Variants in PSMG2 observed in about 807,000 individuals in gnomAD.
PSMG2 encodes CD40 ligand-activated specific transcript 3.
A neutral mutation model predicts 31.5 loss-of-function variants in PSMG2; 21 were observed. That is an observed-to-expected ratio of 0.67 (90% CI 0.47 to 0.96). The LOEUF (loss-of-function observed/expected upper bound fraction) is 0.96. Ranked by LOEUF, PSMG2 falls within the 40% of genes least tolerant of loss-of-function variation. The pLI is 0.00. For synonymous variants in PSMG2, 120 were observed against 110.4 expected, an observed-to-expected ratio of 1.09 and a Z score of -0.54; for missense variants, 318 against 321.2, an observed-to-expected ratio of 0.99 and a Z score of 0.08.
intron 5 of PSMG2, 138 bp from the exon 6 acceptor site, chr18:12,724,361 G>GA: frequency 1.2e-6 from 1 of 836,394 alleles, no homozygotes; most frequent in Non-Finnish European, 1.7e-6. Context: ...GGCGAAGGGA[G>GA]ATGATAAGTG....
At chr18:12,717,903 T>C (rs529046219) in intron 3 of PSMG2, among the ~76,000 whole-genome samples, 2 of 152,332 alleles carry the variant, frequency 1.3e-5, no homozygotes, top group East Asian at 1.9e-4. Context: ...TAGGTAACAA[T>C]AGATTACTCA....
Position 12,703,807 on chromosome 18 carries a change from G to A in PSMG2, c.57+643G>A, listed in dbSNP as rs114365080. Among the ~76,000 whole-genome samples the A allele has an allele frequency of 2.5e-3, 384 of 152,292 alleles. 1 individual carries two copies. Among genetic ancestry groups the A allele is most frequent in the African/African-American group, 8.9e-3 (370 of 41,570 alleles). ...GGCTTGTTAAGAAAGGCTTTATAGA[G>A]AAAGTAGTATGCAAAAGATGGAGGG... On this transcript the variant is annotated intron_variant, in intron 1 of 6. Transcript: ENST00000317615.
Position 12,662,637 on chromosome 18 carries a change from C to T in PSMG2, c.-37+3864C>T, listed in dbSNP as rs539110639. Among the ~76,000 whole-genome samples, 351 of 152,208 alleles carry T rather than the reference C, an allele frequency of 2.3e-3. 3 individuals carry two copies. The highest frequency in any genetic ancestry group is 0.014 in the South Asian group (69 of 4,822). ...CAAAAAATACAAAAAAGTAACCAGG[C>T]ATGGTGGTGCACACCTATAATCCCA... On this transcript the variant is annotated intron_variant, in intron 1 of 6. Transcript: ENST00000585331.
chr18:12,705,562 A>AGT (rs1336423319), intron 1 of PSMG2, among the ~76,000 whole-genome samples: 1 of 131,056 alleles, frequency 7.6e-6, no homozygotes, highest in Non-Finnish European at 1.6e-5. Context: ...AGAGAGAGAG[A>AGT]GAGAGAGAGA....
intron 1 of PSMG2, chr18:12,691,547 A>G: frequency 7.9e-7 from 1 of 1,270,532 alleles, no homozygotes; most frequent in Admixed American, 2.0e-5. Flanking sequence ...ACTACAAAAT[A>G]TGTAGCAAAT....
At chr18:12,710,996 A>T (rs1598681780) in intron 2 of PSMG2, among the ~76,000 whole-genome samples, 2 of 152,168 alleles carry the variant, frequency 1.3e-5, no homozygotes, top group East Asian at 3.9e-4. Context: ...GCTACTCAGG[A>T]GGCTGAGACA....
Position 12,718,614 on chromosome 18 carries a change from G to T in PSMG2, c.386G>T (p.Arg129Leu). 1 of 1,604,776 alleles carries T rather than the reference G, an allele frequency of 6.2e-7. No individual in the cohort carries two copies. The highest frequency in any genetic ancestry group is 8.5e-7 in the Non-Finnish European group (1 of 1,173,574). ...IVLSSSHSYQ[R>L]NDLQLRSTPF... ...CTTTCAAGCAGTCATTCATATCAGC[G>T]TAATGATCTGCAGCTTCGTAGGTAT... Residue 129 changes from arginine to leucine, a missense_variant, in exon 4 of 7, where the codon CGT becomes CTT. Coordinates refer to ENST00000317615, the MANE Select transcript of PSMG2 (RefSeq NM_020232.5).
intron 3 of PSMG2, among the ~76,000 whole-genome samples, chr18:12,715,308 C>T (rs536758822): frequency 9.9e-5 from 15 of 152,060 alleles, no homozygotes; most frequent in East Asian, 1.9e-4. Flanking sequence ...CACACCCAGC[C>T]GAAAGTAAGC....
upstream of PSMG2, chr18:12,701,187 C>T: frequency 2.8e-6 from 3 of 1,074,736 alleles, no homozygotes; most frequent in Non-Finnish European, 4.1e-6. Flanking sequence ...TTTTAAGGTT[C>T]TCCAGCTAAC....
chr18:12,702,631 G>T (rs1282015090), upstream of PSMG2: 22 of 1,437,596 alleles, frequency 1.5e-5, no homozygotes, highest in South Asian at 2.6e-4. Flanking sequence ...GGGAGCGTTA[G>T]GAGCGACTGG....
intron 2 of PSMG2, 66 bp downstream of exon 2, chr18:12,706,787 T>C: frequency 6.8e-7 from 1 of 1,472,178 alleles, no homozygotes. Context: ...AGAAATAGAC[T>C]TTATTGATAA....
upstream of PSMG2, chr18:12,702,966 G>T: frequency 1.1e-6 from 1 of 889,868 alleles, no homozygotes. Flanking sequence ...TTAGCTGGAC[G>T]GGCCTCAAGG....
At chr18:12,698,913 A>G, upstream of PSMG2, 2 of 1,167,490 alleles carry the variant, frequency 1.7e-6, no homozygotes, top group Non-Finnish European at 2.4e-6. Context: ...AGTCATTATT[A>G]TTGTTTCACA....
chr18:12,719,783 G>A (rs1221211269), intron 4 of PSMG2, among the ~76,000 whole-genome samples: 1 of 150,932 alleles, frequency 6.6e-6, no homozygotes. Context: ...GAGTGCAGTG[G>A]CGCAATCTCG....
chr18:12,679,989 G>A (rs966298401), intron 1 of PSMG2, among the ~76,000 whole-genome samples: 1 of 151,438 alleles, frequency 6.6e-6, no homozygotes, highest in African/African-American at 2.4e-5. Flanking sequence ...CCAGGAGGGG[G>A]AGGCTGCAGT....
chr18:12,669,933 G>GTTGCGGTGAGCCAAGA (rs1555641002), intron 1 of PSMG2, among the ~76,000 whole-genome samples: 8 of 149,568 alleles, frequency 5.3e-5, no homozygotes, highest in South Asian at 4.2e-4. Context: ...GGAGGCGGAG[G>GTTGCGGTGAGCCAAGA]TTGCGGTGAG....
chr18:12,671,074 T>C (rs375577647), intron 1 of PSMG2: 2 of 151,450 alleles, frequency 1.3e-5, no homozygotes, highest in South Asian at 4.2e-4. Context: ...TTTAAACAAA[T>C]TGAATATTTA....
At chr18:12,671,677 CTT>C (rs2038951082) in intron 1 of PSMG2, among the ~76,000 whole-genome samples, 1 of 110,308 alleles carries the variant, frequency 9.1e-6, no homozygotes, top group South Asian at 3.1e-4. Flanking sequence ...GAGACAGAGT[CTT>C]GCTCTGTCAC....
At chr18:12,665,025 C>T (rs1409021053) in intron 1 of PSMG2, 1 of 152,018 alleles carries the variant, frequency 6.6e-6, no homozygotes, top group Non-Finnish European at 1.5e-5. Context: ...TGGCCCTTTC[C>T]TGTTGCTCAA....
Sources: gnomAD v4.1 joint callset for allele counts (sites outside exome capture counted in the v4.1 genomes callset) on GRCh38, gnomAD v4.1.1 for gene constraint, MANE v1.5 for transcripts, NCBI Gene and HGNC (gene_info 2026-07-23, HGNC 2026-07-21) for gene names.